The following SUCLA2 variants were observed in gnomAD, a reference collection of about 807,000 sequenced individuals.
SUCLA2 encodes the protein succinate-CoA ligase ADP-forming subunit beta.
In SUCLA2, 30 loss-of-function variants were observed where a neutral mutation model predicts 54.8. The observed-to-expected ratio is 0.55, with a 90% confidence interval of 0.41 to 0.74. The LOEUF (loss-of-function observed/expected upper bound fraction) is 0.74, where lower values mean the gene tolerates loss of function less well. Among genes scored for constraint, SUCLA2 ranks in the 30% least tolerant of loss-of-function variants. The pLI is 0.00. For synonymous variants in SUCLA2, 172 were observed against 188.9 expected (o/e 0.91, Z 0.74); for missense variants, 476 against 562.9 (o/e 0.85, Z 1.56).
chr13:47,971,064 A>AT (rs1949959228), intron 5 of SUCLA2, among the ~76,000 whole-genome samples: 1 of 151,742 alleles, frequency 6.6e-6, no homozygotes, highest in South Asian at 2.1e-4. Context: ...AAAATCAATA[A>AT]TAAAAAAAAA....
chr13:47,990,567 G>A (rs773138574), intron 2 of SUCLA2, among the ~76,000 whole-genome samples: 1 of 152,134 alleles, frequency 6.6e-6, no homozygotes, highest in Non-Finnish European at 1.5e-5. Flanking sequence ...CACTGGCAGG[G>A]TGGCACCAAC....
At chr13:47,973,759 T>TA (rs1023609423) in intron 4 of SUCLA2, among the ~76,000 whole-genome samples, 1 of 151,966 alleles carries the variant, frequency 6.6e-6, no homozygotes, top group Non-Finnish European at 1.5e-5. Context: ...TATGCAGCCA[T>TA]AAAAAAAGAA....
At chr13:47,982,009 C>T (rs1201977570) in intron 4 of SUCLA2, among the ~76,000 whole-genome samples, 3 of 152,014 alleles carry the variant, frequency 2.0e-5, no homozygotes, top group Non-Finnish European at 4.4e-5. Flanking sequence ...TTAAATAAAA[C>T]GGTACAGCTG....
chr13:47,947,996 G>A (rs1949746485), intron 10 of SUCLA2, among the ~76,000 whole-genome samples: 1 of 152,160 alleles, frequency 6.6e-6, no homozygotes, highest in Non-Finnish European at 1.5e-5. Flanking sequence ...AGATATAAGA[G>A]ACTCAGAAAT....
intron 2 of SUCLA2, among the ~76,000 whole-genome samples, chr13:47,994,160 A>G (rs1466062657): frequency 6.6e-6 from 1 of 152,146 alleles, no homozygotes; most frequent in East Asian, 1.9e-4. Context: ...AAAACTCAGC[A>G]TTGGGAATTG....
chr13:47,993,137 G>A (rs143662326), intron 2 of SUCLA2, among the ~76,000 whole-genome samples: 8 of 152,232 alleles, frequency 5.3e-5, no homozygotes, highest in East Asian at 1.9e-4. Context: ...AGGCTGAGAC[G>A]GGAGAAGTGG....
intron 4 of SUCLA2, among the ~76,000 whole-genome samples, chr13:47,976,473 C>A (rs1950014406): frequency 6.6e-6 from 1 of 152,170 alleles, no homozygotes; most frequent in African/African-American, 2.4e-5. Context: ...TCTTGGAGGG[C>A]TGTCCAAGGG....
In SUCLA2 at chr13:47,943,463, A is replaced by C; in HGVS notation, c.1318-18T>G. The C allele has an allele frequency of 6.2e-7, 1 of 1,613,196 alleles. No individual in the cohort carries two copies. The highest frequency in any genetic ancestry group is 1.3e-5 in the African/African-American group (1 of 75,034). Reference sequence around the variant, plus strand: ...TTTACAACCTAAAAGAAAAGAACGAAGAATTTTCACAAAAAGGTAAATTCA... The same window carrying C: ...TTTACAACCTAAAAGAAAAGAACGACGAATTTTCACAAAAAGGTAAATTCA... On this transcript the variant is annotated intron_variant, in intron 10 of 10. Coordinates refer to ENST00000646932, the MANE Select transcript of SUCLA2 (RefSeq NM_003850.3).
At chr13:48,000,952 G>C (rs1022498387) in intron 1 of SUCLA2, 1 of 1,403,526 alleles carries the variant, frequency 7.1e-7, no homozygotes, top group Non-Finnish European at 9.3e-7. Flanking sequence ...GCCACGGCCG[G>C]GCCGCCGGGG....
chr13:47,957,600 G>C (rs1015373088), intron 6 of SUCLA2, among the ~76,000 whole-genome samples: 3 of 152,180 alleles, frequency 2.0e-5, no homozygotes, highest in African/African-American at 7.2e-5. Context: ...TATGGGCCTA[G>C]ACATAAGGAT....
At chr13:47,986,045 T>G (rs1950101224) in intron 4 of SUCLA2, among the ~76,000 whole-genome samples, 1 of 145,350 alleles carries the variant, frequency 6.9e-6, no homozygotes, top group East Asian at 1.9e-4. Flanking sequence ...TTTTTTTTTT[T>G]TTTGAAACGG....
intron 5 of SUCLA2, among the ~76,000 whole-genome samples, chr13:47,972,668 TAAA>T (rs34866956): frequency 8.0e-5 from 10 of 125,468 alleles, no homozygotes; most frequent in Non-Finnish European, 8.2e-5. Context: ...GACTCCGTCT[TAAA>T]AAAAAAAAAA....
At chr13:47,958,750 GTTAACT>G (rs796513689) in intron 6 of SUCLA2, among the ~76,000 whole-genome samples, 9 of 152,296 alleles carry the variant, frequency 5.9e-5, no homozygotes, top group African/African-American at 1.4e-4. Flanking sequence ...TGCCTATGTA[GTTAACT>G]TTAAAGTTCT....
intron 2 of SUCLA2, among the ~76,000 whole-genome samples, chr13:47,989,262 G>A (rs1354648450): frequency 6.7e-6 from 1 of 149,888 alleles, no homozygotes; most frequent in East Asian, 2.0e-4. Flanking sequence ...CCAGGCTGGA[G>A]TGCAGTGGCG....
At position 47,970,601 on chromosome 13, in the gene SUCLA2, C is replaced by T. The variant is rs187797839; in HGVS notation, c.664-1868G>A. ...ACTTGGCTGGGCACGGTGACTCACG[C>T]CTGTAATCCCAGCACTTTGGAAGGC... On this transcript the variant is annotated intron_variant, in intron 5 of 10. Transcript: ENST00000646932. 2.0e-5 allele frequency among the ~76,000 whole-genome samples: 3 copies of T among 152,306 alleles called. No homozygotes were observed. The East Asian group carries it at 5.8e-4, about 29-fold the overall frequency.
chr13:47,992,374 C>A, intron 2 of SUCLA2, among the ~76,000 whole-genome samples: 1 of 138,748 alleles, frequency 7.2e-6, no homozygotes, highest in African/African-American at 2.7e-5. Flanking sequence ...AAAAAAAGCC[C>A]TTCACAACGA....
In SUCLA2 at chr13:47,973,312, T is replaced by G; in HGVS notation, c.615A>C (p.Lys205Asn). The G allele has an allele frequency of 6.2e-7, 1 of 1,613,704 alleles. No homozygotes were observed. The highest frequency in any genetic ancestry group is 8.5e-7 in the Non-Finnish European group (1 of 1,179,738). The change falls in exon 5 of 11, where the codon AAA (lysine) becomes AAC (asparagine). Residue 205 changes from lysine to asparagine, a missense_variant. Coordinates refer to ENST00000646932, the MANE Select transcript of SUCLA2 (RefSeq NM_003850.3). ...TGCCTTCTTCAATATCAATAGGTTC[T>G]TTAATTATTGCTTCAGGAGACTCAG... ...VAAESPEAIIKEPIDIEEGIK... is the reference protein window; with the variant it reads ...VAAESPEAIINEPIDIEEGIK...
chr13:47,992,388 C>CAAAAAAAAAAA (rs35103136), intron 2 of SUCLA2, among the ~76,000 whole-genome samples: 1 of 93,074 alleles, frequency 1.1e-5, no homozygotes, highest in Non-Finnish European at 2.0e-5. Context: ...ACAACGAAAG[C>CAAAAAAAAAAA]AAAAAAAAAA....
At chr13:47,960,636 C>G (rs1949863086) in intron 6 of SUCLA2, among the ~76,000 whole-genome samples, 1 of 151,802 alleles carries the variant, frequency 6.6e-6, no homozygotes, top group Non-Finnish European at 1.5e-5. Flanking sequence ...ATTAGGATTT[C>G]TCTTCAAACT....
Sources: gnomAD v4.1 joint callset for allele counts (sites outside exome capture counted in the v4.1 genomes callset) on GRCh38, gnomAD v4.1.1 for gene constraint, MANE v1.5 for transcripts, NCBI Gene and HGNC (gene_info 2026-07-23, HGNC 2026-07-21) for gene names.